Variants in AUTS2 observed in about 807,000 individuals in gnomAD.
The protein encoded by AUTS2 is activator of transcription and developmental regulator AUTS2.
In AUTS2, 17 loss-of-function variants were observed where a neutral mutation model predicts 112.4. That is an observed-to-expected ratio of 0.15 (90% confidence interval 0.10 to 0.23). The LOEUF is 0.23. Ranked by LOEUF, AUTS2 falls within the 10% of genes least tolerant of loss-of-function variation. The pLI is 1.00. For missense variants in AUTS2, 1,510 were observed against 1,701.6 expected (o/e 0.89, Z 1.98); for synonymous variants, 751 against 702.7 (o/e 1.07, Z -1.09).
chr7:69,964,754 C>G (rs1200155991), intron 2 of AUTS2, among the ~76,000 whole-genome samples: 1 of 151,956 alleles, frequency 6.6e-6, no homozygotes. Context: ...CTTTCACAAT[C>G]TTTCCTGAAG....
chr7:70,534,967 C>A (rs1800254737), intron 5 of AUTS2, among the ~76,000 whole-genome samples: 1 of 150,086 alleles, frequency 6.7e-6, no homozygotes, highest in Admixed American at 6.7e-5. Flanking sequence ...GAATTGCTAG[C>A]TTTTTATATT....
chr7:70,287,697 A>G (rs1201220180), intron 4 of AUTS2, among the ~76,000 whole-genome samples: 2 of 152,138 alleles, frequency 1.3e-5, no homozygotes, highest in African/African-American at 2.4e-5. Context: ...TGCATTTATT[A>G]TGTATATTTT....
At chr7:70,301,863 A>G (rs979808256) in intron 4 of AUTS2, among the ~76,000 whole-genome samples, 2 of 151,896 alleles carry the variant, frequency 1.3e-5, no homozygotes, top group Admixed American at 6.6e-5. Flanking sequence ...GGCTCAAGCA[A>G]TCCTCCCACC....
chr7:70,656,829 G>C (rs964009573), intron 5 of AUTS2, among the ~76,000 whole-genome samples: 2 of 152,216 alleles, frequency 1.3e-5, no homozygotes, highest in African/African-American at 4.8e-5. Context: ...ACTAGGCCCA[G>C]ATTTCTCAGG....
At chr7:70,442,878 G>T (rs1446499099) in intron 5 of AUTS2, among the ~76,000 whole-genome samples, 1 of 152,146 alleles carries the variant, frequency 6.6e-6, no homozygotes, top group Non-Finnish European at 1.5e-5. Context: ...GGGTTAAAAT[G>T]ACATTTTATT....
At chr7:69,870,375 T>C in intron 1 of AUTS2, among the ~76,000 whole-genome samples, 1 of 143,948 alleles carries the variant, frequency 6.9e-6, no homozygotes, top group Non-Finnish European at 1.5e-5. Context: ...GTGAATTGAC[T>C]TAAGGAATAA....
chr7:69,601,371 C>T (rs1792398160), intron 1 of AUTS2, among the ~76,000 whole-genome samples: 1 of 152,060 alleles, frequency 6.6e-6, no homozygotes, highest in Non-Finnish European at 1.5e-5. Context: ...TTAAATCTCA[C>T]ATACGGTAAC....
intron 13 of AUTS2, among the ~76,000 whole-genome samples, chr7:70,775,713 G>T (rs1790642464): frequency 6.6e-6 from 1 of 152,158 alleles, no homozygotes; most frequent in Non-Finnish European, 1.5e-5. Flanking sequence ...AGTCTCTCTT[G>T]CACTTAGAAA....
At chr7:70,072,965 T>A (rs1802846921) in intron 2 of AUTS2, among the ~76,000 whole-genome samples, 1 of 151,630 alleles carries the variant, frequency 6.6e-6, no homozygotes, top group East Asian at 1.9e-4. Flanking sequence ...GCAAAGATCA[T>A]ATGTCTATTT....
intron 5 of AUTS2, among the ~76,000 whole-genome samples, chr7:70,665,391 G>A (rs867592095): frequency 6.6e-6 from 1 of 151,974 alleles, no homozygotes; most frequent in Non-Finnish European, 1.5e-5. Flanking sequence ...AGTCTCCTGA[G>A]TAGCCGAGAC....
intron 4 of AUTS2, among the ~76,000 whole-genome samples, chr7:70,376,187 G>T (rs1048235179): frequency 4.6e-5 from 7 of 152,210 alleles, no homozygotes; most frequent in African/African-American, 1.7e-4. Flanking sequence ...TTGATGATAG[G>T]GTTGGAGTTT....
At chr7:69,886,662 A>T (rs1268319571) in intron 1 of AUTS2, among the ~76,000 whole-genome samples, 1 of 151,994 alleles carries the variant, frequency 6.6e-6, no homozygotes, top group African/African-American at 2.4e-5. Flanking sequence ...GTAGTTCTTT[A>T]CTTCTAGCCA....
chr7:70,719,108 T>G (rs1311638352), intron 6 of AUTS2, among the ~76,000 whole-genome samples: 1 of 152,176 alleles, frequency 6.6e-6, no homozygotes, highest in East Asian at 1.9e-4. Flanking sequence ...AGTGCCCTTT[T>G]GAGGTAGATG....
chr7:69,685,462 C>A (rs1179799591), intron 1 of AUTS2, among the ~76,000 whole-genome samples: 1 of 152,178 alleles, frequency 6.6e-6, no homozygotes, highest in African/African-American at 2.4e-5. Flanking sequence ...TACTTTTCCC[C>A]ACTTCCTGTT....
At chr7:69,725,363 C>G (rs906820590) in intron 1 of AUTS2, among the ~76,000 whole-genome samples, 1 of 152,092 alleles carries the variant, frequency 6.6e-6, no homozygotes, top group Non-Finnish European at 1.5e-5. Flanking sequence ...GCCATTTTTT[C>G]TAGCAGGTTG....
chr7:70,660,947 C>T (rs1807039809), intron 5 of AUTS2, among the ~76,000 whole-genome samples: 1 of 152,186 alleles, frequency 6.6e-6, no homozygotes, highest in Admixed American at 6.5e-5. Context: ...CAGATGGAAC[C>T]TTCTCAGCTT....
At chr7:69,815,609 G>A (rs545518219) in intron 1 of AUTS2, among the ~76,000 whole-genome samples, 4 of 152,206 alleles carry the variant, frequency 2.6e-5, no homozygotes, top group African/African-American at 7.2e-5. Context: ...CCGCCTCCCA[G>A]GTTCAAGTGA....
intron 2 of AUTS2, among the ~76,000 whole-genome samples, chr7:70,091,747 T>A (rs186847526): frequency 6.6e-6 from 1 of 152,206 alleles, no homozygotes; most frequent in East Asian, 1.9e-4. Context: ...GGTAATCATC[T>A]GAGCACGTAC....
In AUTS2 at chr7:70,022,800, C is replaced by T. The variant is rs180954905; in HGVS notation, c.523-95332C>T. Among the ~76,000 whole-genome samples the T allele has an allele frequency of 2.6e-5, 4 of 152,150 alleles. No individual in the cohort carries two copies. The East Asian group carries it at 7.7e-4, about 29-fold the overall frequency. ...TGCATTCTCATTTAACTCCTAACTA[C>T]AAAAACATTTGTACAGGCAACCCTC... On this transcript the variant is annotated intron_variant, in intron 2 of 18. Coordinates refer to ENST00000342771, the MANE Select transcript of AUTS2 (RefSeq NM_015570.4).
Sources: gnomAD v4.1 joint callset for allele counts (sites outside exome capture counted in the v4.1 genomes callset) on GRCh38, gnomAD v4.1.1 for gene constraint, MANE v1.5 for transcripts, NCBI Gene and HGNC (gene_info 2026-07-23, HGNC 2026-07-21) for gene names.